ZNF276: variants seen among roughly 807,000 people sequenced by gnomAD.
ZNF276 encodes centromere protein Z.
In ZNF276, 59 loss-of-function variants were observed where a neutral mutation model predicts 63.9. The ratio of observed to expected loss-of-function variants is 0.92; its 90% confidence interval spans 0.75 to 1.15. The LOEUF (loss-of-function observed/expected upper bound fraction) is 1.15, where lower values mean the gene tolerates loss of function less well. ZNF276 is among the 50% of genes most tolerant of loss of function. The pLI is 0.00. For missense variants in ZNF276, 1,084 were observed against 843.8 expected (o/e 1.28, Z -3.53); for synonymous variants, 496 against 348.4 (o/e 1.42, Z -4.72).
In ZNF276 at chr16:89,738,186, TGGGCCACCGAGCCCCTCTG is replaced by T; in HGVS notation, c.1786_1804del (p.Gly596Ter). The T allele has an allele frequency of 6.2e-7, 1 of 1,611,668 alleles. No individual in the cohort carries two copies. Among genetic ancestry groups the T allele is most frequent in the Non-Finnish European group, 8.5e-7 (1 of 1,179,416 alleles). ...TGCCCCTGGAGGCGGAACCACCACC[TGGGCCACCGAGCCCCTCTG>T]TGACCACAGAGGGCCAGGCGGTGAA... is the stretch of plus-strand genomic sequence containing the variant. On this transcript the variant is annotated frameshift_variant, in exon 11 of 11. Coordinates refer to ENST00000443381, the MANE Select transcript of ZNF276 (RefSeq NM_001113525.2). LOFTEE classifies it high-confidence loss of function.
Position 89,738,465 on chromosome 16 carries a change from A to C in ZNF276, c.*219A>C. 3.4e-6 allele frequency: 5 copies of C among 1,454,246 alleles called. No homozygotes were observed. Among genetic ancestry groups the C allele is most frequent in the African/African-American group, 1.4e-5 (1 of 71,450 alleles). 90.1% of individuals were successfully genotyped at this position (1,454,246 alleles called of 1,614,324 possible). On this transcript the variant is annotated 3_prime_UTR_variant, in exon 11 of 11. Transcript: ENST00000443381. ...AGTGACTCGGGGCCGGACAGTTCATAAATAATTGATTCCTTTCCCCACTAA... is the reference window on the plus strand; with the variant it reads ...AGTGACTCGGGGCCGGACAGTTCATCAATAATTGATTCCTTTCCCCACTAA...
At position 89,727,495 on chromosome 16, in the gene ZNF276, G is replaced by A. The variant is rs541722263; in HGVS notation, c.1085+138G>A. ...AAAACCAAACAGCCATCGTAGGGTC[G>A]GCTGCCCATGCGCTGGTACCAAACT... On this transcript the variant is annotated intron_variant, in intron 5 of 10. Coordinates refer to ENST00000443381, the MANE Select transcript of ZNF276 (RefSeq NM_001113525.2). 8.7e-5 allele frequency: 85 copies of A among 972,626 alleles called. 1 individual carries two copies. Among genetic ancestry groups the A allele is most frequent in the Middle Eastern group, 3.4e-4 (1 of 2,954 alleles). The allele number at this position is 972,626 out of a possible 1,614,324, so 60.2% of individuals were successfully genotyped here.
Position 89,723,702 on chromosome 16 carries a change from G to A in ZNF276, c.999G>A (p.Arg333=). Reference sequence around the variant, plus strand: ...CTCAGCCAAGCCTGCCCCTTTGCAGGGCCCCAGGTAGGAGGCACCTCTTGC... The same window carrying A: ...CTCAGCCAAGCCTGCCCCTTTGCAGAGCCCCAGGTAGGAGGCACCTCTTGC... ...FPPQPSLPLC[R]APGQLGEKQL... Residue 333 remains arginine, a synonymous_variant, in exon 4 of 11, where the codon AGG becomes AGA. Coordinates refer to ENST00000443381, the MANE Select transcript of ZNF276 (RefSeq NM_001113525.2). 6.2e-7 allele frequency: 1 copy of A among 1,607,856 alleles called. No homozygotes were observed. The highest frequency in any genetic ancestry group is 2.2e-5 in the East Asian group (1 of 44,764).
upstream of ZNF276, chr16:89,721,391 G>A (rs2061264246): frequency 2.6e-6 from 1 of 382,270 alleles, no homozygotes. Context: ...CGACAGAGGC[G>A]GGCACGGCCG....
At chr16:89,721,010 G>C, upstream of ZNF276, 2 of 743,804 alleles carry the variant, frequency 2.7e-6, no homozygotes, top group Non-Finnish European at 3.6e-6. Context: ...GGCCCCCTCC[G>C]CGCGTACTGC....
At position 89,733,544 on chromosome 16, in the gene ZNF276, C is replaced by G. The variant is rs547011022; in HGVS notation, c.1343C>G (p.Ala448Gly). The G allele has an allele frequency of 2.8e-5, 45 of 1,613,974 alleles. No individual in the cohort carries two copies. Among genetic ancestry groups the G allele is most frequent in the Non-Finnish European group, 3.8e-5 (45 of 1,180,046 alleles). Residue 448 changes from alanine to glycine, a missense_variant, in exon 8 of 11, where the codon GCT (alanine) becomes GGT (glycine). Ala to Gly is a moderately conservative substitution (Grantham distance 60, BLOSUM62 0). Coordinates refer to ENST00000443381, the MANE Select transcript of ZNF276 (RefSeq NM_001113525.2). The part of the protein sequence containing the change: ...YQGCTAVYRG[A>G]DGMKKHIKEH... Reference sequence around the variant, plus strand: ...GGCTGCACGGCCGTGTACCGAGGCGCTGACGGCATGAAGGTGAGCACTGGC... The same window carrying G: ...GGCTGCACGGCCGTGTACCGAGGCGGTGACGGCATGAAGGTGAGCACTGGC...
At chr16:89,723,036 T>C (rs1567563337) in intron 2 of ZNF276, 101 bp from the exon 3 acceptor site, 2 of 1,607,316 alleles carry the variant, frequency 1.2e-6, no homozygotes, top group Non-Finnish European at 1.7e-6. Context: ...AAGTTGCCTA[T>C]GGGGACCGCT....
rs752109727 is a variant in ZNF276, at chr16:89,733,905, C to G, written c.1357-16C>G. ...GGGTGCGGCTCTGAGGGTCTCTCAC[C>G]GAGTCTCTCCTTCAGAAGCACATCA... On this transcript the variant is annotated splice_polypyrimidine_tract_variant and intron_variant, in intron 8 of 10. Transcript: ENST00000443381. 3 of 1,611,374 alleles carry G rather than the reference C, an allele frequency of 1.9e-6. No homozygotes were observed. Among genetic ancestry groups the G allele is most frequent in the Admixed American group, 1.7e-5 (1 of 59,964 alleles).
Position 89,740,156 on chromosome 16 carries a change from G to T in ZNF276, c.*1910G>T. On this transcript the variant is annotated 3_prime_UTR_variant, in exon 11 of 11. Transcript: ENST00000443381. The stretch of plus-strand genomic sequence containing the variant: ...GGCCGACCTGGTGCTCCCATGGGTA[G>T]GAGGGTACAGCCCTCAGCACAGAAG... 7.4e-7 allele frequency: 1 copy of T among 1,347,900 alleles called. No individual in the cohort carries two copies. Among genetic ancestry groups the T allele is most frequent in the Non-Finnish European group, 1.1e-6 (1 of 938,378 alleles). 83.5% of individuals were successfully genotyped at this position (1,347,900 alleles called of 1,614,324 possible).
chr16:89,733,977 C>T lies in ZNF276; in HGVS notation c.1413C>T (p.Gly471=), dbSNP rs138915258. ...EVRERPCPHP[G]CNKVFMIDRY... is the part of the protein sequence containing the mutation. ...GGGAGCGGCCCTGCCCCCACCCTGG[C>T]TGCAACAAGGTTTTCATGATCGACC... The change falls in exon 9 of 11, where the codon GGC becomes GGT. Residue 471 remains glycine (G), a synonymous_variant. Coordinates refer to ENST00000443381, the MANE Select transcript of ZNF276 (RefSeq NM_001113525.2). The T allele has an allele frequency of 1.2e-6, 2 of 1,614,090 alleles. No homozygotes were observed. The highest frequency in any genetic ancestry group is 4.5e-5 in the East Asian group (2 of 44,880).
chr16:89,723,119 C>G lies in ZNF276; in HGVS notation c.510-18C>G, dbSNP rs2151661247. The G allele has an allele frequency of 1.9e-6, 3 of 1,613,168 alleles. No individual in the cohort carries two copies. The East Asian group carries it at 6.7e-5, about 36-fold the overall frequency. Reference sequence around the variant, plus strand: ...TCCGCCTGCTTGTCCTGCTCATGGCCACACTGATCCTTTGCAGGGTCGGTG... The same window carrying G: ...TCCGCCTGCTTGTCCTGCTCATGGCGACACTGATCCTTTGCAGGGTCGGTG... On this transcript the variant is annotated intron_variant, in intron 2 of 10. Transcript: ENST00000443381.
In ZNF276 at chr16:89,733,291, C is replaced by G; in HGVS notation, c.1170-11C>G. The G allele has an allele frequency of 1.9e-6, 3 of 1,609,772 alleles. No individual in the cohort carries two copies. The highest frequency in any genetic ancestry group is 2.5e-6 in the Non-Finnish European group (3 of 1,178,498). ...CAGAAACCATTGAATTTGGGAACCT[C>G]TTTTTTTCAGAGTCTCTGGTAAGAA... On this transcript the variant is annotated splice_polypyrimidine_tract_variant and intron_variant, in intron 6 of 10. Transcript: ENST00000443381.
rs988909054 is a variant in ZNF276, at chr16:89,723,705, C to T, written c.1002C>T (p.Ala334=). ...AGCCAAGCCTGCCCCTTTGCAGGGC[C>T]CCAGGTAGGAGGCACCTCTTGCTGG... The part of the protein sequence containing the change: ...PPQPSLPLCR[A]PGQLGEKQLP... Residue 334 remains alanine, a synonymous_variant, in exon 4 of 11, where the codon GCC becomes GCT. Transcript: ENST00000443381. The T allele has an allele frequency of 1.2e-6, 2 of 1,607,472 alleles. No individual in the cohort carries two copies. The highest frequency in any genetic ancestry group is 4.5e-5 in the East Asian group (2 of 44,752).
chr16:89,729,360 C>A, intron 6 of ZNF276, 42 bp downstream of exon 6: 2 of 1,566,516 alleles, frequency 1.3e-6, no homozygotes, highest in Non-Finnish European at 1.8e-6. Flanking sequence ...ATCCGTTGGG[C>A]GACCTAGACA....
At chr16:89,733,863 C>T (rs1481906818) in intron 8 of ZNF276, 58 bp from the exon 9 acceptor site, 2 of 1,543,114 alleles carry the variant, frequency 1.3e-6, no homozygotes, top group African/African-American at 1.4e-5. Flanking sequence ...CTACTGAGGG[C>T]TCGTGCCATG....
chr16:89,740,373 C>T lies in ZNF276; in HGVS notation c.*2127C>T, dbSNP rs538908408. On this transcript the variant is annotated 3_prime_UTR_variant, in exon 11 of 11. Transcript: ENST00000443381. ...AAGGCCCACAGGCCGGATGCAGTGG[C>T]TCATGCCTGTAATCCCAACACTTTG... 2.1e-5 allele frequency: 11 copies of T among 514,100 alleles called. No individual in the cohort carries two copies. The highest frequency in any genetic ancestry group is 1.1e-4 in the African/African-American group (6 of 52,274). 31.8% of individuals were successfully genotyped at this position (514,100 alleles called of 1,614,324 possible).
In ZNF276 at chr16:89,739,985, GTTTCTTACCACT is replaced by G. The variant is rs2062087536; in HGVS notation, c.*1740_*1751del. 6.2e-7 allele frequency: 1 copy of G among 1,613,832 alleles called. No individual in the cohort carries two copies. Among genetic ancestry groups the G allele is most frequent in the South Asian group, 1.1e-5 (1 of 91,090 alleles). On this transcript the variant is annotated 3_prime_UTR_variant, in exon 11 of 11. Transcript: ENST00000443381. ...CTCCGCATTTGTGCCTCAGCAGCGTGTTTCTTACCACTCTCTGTCAACTGAAAGAGTGCCAGC... is the reference window on the plus strand; with the variant it reads ...CTCCGCATTTGTGCCTCAGCAGCGTGCTCTGTCAACTGAAAGAGTGCCAGC...
chr16:89,725,714 C>A (rs1296281771), intron 4 of ZNF276, among the ~76,000 whole-genome samples: 3 of 152,078 alleles, frequency 2.0e-5, no homozygotes, highest in Admixed American at 2.0e-4. Context: ...TCGCTTGACC[C>A]TGGGAGGCGG....
At position 89,739,274 on chromosome 16, in the gene ZNF276, G is replaced by C; in HGVS notation, c.*1028G>C. The C allele has an allele frequency of 6.2e-7, 1 of 1,614,190 alleles. No individual in the cohort carries two copies. The highest frequency in any genetic ancestry group is 8.5e-7 in the Non-Finnish European group (1 of 1,180,046). On this transcript the variant is annotated 3_prime_UTR_variant, in exon 11 of 11. Coordinates refer to ENST00000443381, the MANE Select transcript of ZNF276 (RefSeq NM_001113525.2). ...CTTCCCTGATGGCCGCGTCTTCATG[G>C]AAGTAGGAGAGAAGACTAGAGGTAA... is the stretch of plus-strand genomic sequence containing the variant.
Sources: gnomAD v4.1 joint callset for allele counts (sites outside exome capture counted in the v4.1 genomes callset) on GRCh38, gnomAD v4.1.1 for gene constraint, MANE v1.5 for transcripts, NCBI Gene and HGNC (gene_info 2026-07-23, HGNC 2026-07-21) for gene names.